PLCB4: variants seen among roughly 807,000 people sequenced by gnomAD.
The protein encoded by PLCB4 is 1-phosphatidylinositol 4,5-bisphosphate phosphodiesterase beta-4.
PLCB4 carries 77 observed loss-of-function variants against 178.8 expected under a neutral mutation model. That is an observed-to-expected ratio of 0.43 (90% CI 0.36 to 0.52). The LOEUF (loss-of-function observed/expected upper bound fraction) is 0.52. Among genes scored for constraint, PLCB4 ranks in the 20% least tolerant of loss-of-function variants. The pLI is 0.00. For synonymous variants in PLCB4, 496 were observed against 490.8 expected, an observed-to-expected ratio of 1.01 and a Z score of -0.14; for missense variants, 1,024 against 1,453.4, an observed-to-expected ratio of 0.70 and a Z score of 4.80.
chr20:9,326,517 G>C (rs1299773143), intron 4 of PLCB4, among the ~76,000 whole-genome samples: 1 of 152,090 alleles, frequency 6.6e-6, no homozygotes, highest in East Asian at 1.9e-4. Flanking sequence ...TAGACAGCAG[G>C]TTTACCACCT....
chr20:9,133,750 A>G (rs1362676462), intron 2 of PLCB4, among the ~76,000 whole-genome samples: 3 of 152,148 alleles, frequency 2.0e-5, no homozygotes, highest in African/African-American at 7.2e-5. Context: ...CTTTCCTCAC[A>G]TTGGGTGAAT....
chr20:9,267,531 T>C (rs1168712257), intron 3 of PLCB4, among the ~76,000 whole-genome samples: 5 of 152,128 alleles, frequency 3.3e-5, no homozygotes, highest in African/African-American at 1.2e-4. Flanking sequence ...AAGGGCAGTT[T>C]TTATTTGATT....
At chr20:9,347,438 C>G (rs1034067691) in intron 7 of PLCB4, among the ~76,000 whole-genome samples, 4 of 152,184 alleles carry the variant, frequency 2.6e-5, no homozygotes, top group African/African-American at 9.7e-5. Flanking sequence ...CACCATGTAG[C>G]ATTAACACAC....
chr20:9,148,568 AAC>A (rs1228493142), intron 2 of PLCB4, among the ~76,000 whole-genome samples: 1 of 152,072 alleles, frequency 6.6e-6, no homozygotes, highest in Non-Finnish European at 1.5e-5. Context: ...CAGGGAAGTC[AAC>A]AGAGGACTTC....
At chr20:9,225,633 T>C (rs1017754473) in intron 3 of PLCB4, among the ~76,000 whole-genome samples, 8 of 152,194 alleles carry the variant, frequency 5.3e-5, no homozygotes, top group African/African-American at 1.9e-4. Flanking sequence ...ATTCCAAAGA[T>C]AGGATTTCTT....
chr20:9,385,437 G>A (rs1378400000), intron 14 of PLCB4, among the ~76,000 whole-genome samples: 36 of 149,198 alleles, frequency 2.4e-4, no homozygotes, highest in Admixed American at 1.3e-3. Flanking sequence ...CGGGGCGGCC[G>A]GGCAGAGGCG....
chr20:9,455,754 A>G (rs2043018596), intron 33 of PLCB4, among the ~76,000 whole-genome samples: 1 of 152,240 alleles, frequency 6.6e-6, no homozygotes, highest in African/African-American at 2.4e-5. Flanking sequence ...GCAATACATT[A>G]AAAGTTACTT....
intron 7 of PLCB4, among the ~76,000 whole-genome samples, chr20:9,352,558 G>T (rs1369436664): frequency 6.6e-6 from 1 of 152,184 alleles, no homozygotes; most frequent in Non-Finnish European, 1.5e-5. Flanking sequence ...ACTATTTAGA[G>T]GCTCTTTTTG....
chr20:9,105,538 G>C (rs2091329989), intron 2 of PLCB4, among the ~76,000 whole-genome samples: 3 of 152,074 alleles, frequency 2.0e-5, no homozygotes, highest in African/African-American at 7.2e-5. Context: ...AAATACTTAT[G>C]AGGGGCACTT....
At chr20:9,179,105 A>AT in intron 2 of PLCB4, among the ~76,000 whole-genome samples, 1 of 152,284 alleles carries the variant, frequency 6.6e-6, no homozygotes, top group Middle Eastern at 3.4e-3. Flanking sequence ...ATAGGCACAG[A>AT]TTTTTTGAGG....
chr20:9,097,731 T>A (rs2090972878), intron 2 of PLCB4, among the ~76,000 whole-genome samples: 1 of 152,168 alleles, frequency 6.6e-6, no homozygotes, highest in African/African-American at 2.4e-5. Flanking sequence ...GCCCTGGGAA[T>A]GGCTTGGTTC....
intron 2 of PLCB4, among the ~76,000 whole-genome samples, chr20:9,186,596 G>A (rs773662443): frequency 1.3e-4 from 20 of 152,144 alleles, no homozygotes; most frequent in African/African-American, 4.6e-4. Flanking sequence ...TGTCTTTCCT[G>A]TCTGGCCGTT....
intron 1 of PLCB4, among the ~76,000 whole-genome samples, chr20:9,085,228 G>C: frequency 6.6e-6 from 1 of 151,964 alleles, no homozygotes; most frequent in East Asian, 1.9e-4. Flanking sequence ...GCATAGAATG[G>C]GGTCACATAA....
At chr20:9,440,076 A>T (rs1313468304) in intron 30 of PLCB4, among the ~76,000 whole-genome samples, 1 of 152,200 alleles carries the variant, frequency 6.6e-6, no homozygotes, top group Non-Finnish European at 1.5e-5. Flanking sequence ...CTCATCTTTC[A>T]TCAGCTTAGC....
At chr20:9,220,647 G>GT (rs2093786833) in intron 3 of PLCB4, among the ~76,000 whole-genome samples, 1 of 152,148 alleles carries the variant, frequency 6.6e-6, no homozygotes, top group Non-Finnish European at 1.5e-5. Flanking sequence ...AAAAATGTTT[G>GT]TATTAATTAT....
chr20:9,101,452 C>T (rs922119683), intron 2 of PLCB4, among the ~76,000 whole-genome samples: 1 of 152,016 alleles, frequency 6.6e-6, no homozygotes, highest in South Asian at 2.1e-4. Flanking sequence ...TCATATTTGC[C>T]GTCTTTCCCA....
At chr20:9,362,815 G>C in intron 7 of PLCB4, 81 bp from the exon 8 acceptor site, 2 of 804,912 alleles carry the variant, frequency 2.5e-6, no homozygotes, top group South Asian at 1.4e-5. Context: ...ACACAAAATG[G>C]ATACAATCTA....
At chr20:9,150,422 A>G (rs368280677) in intron 2 of PLCB4, among the ~76,000 whole-genome samples, 5 of 152,312 alleles carry the variant, frequency 3.3e-5, no homozygotes, top group Admixed American at 2.0e-4. Flanking sequence ...ATATACTGTC[A>G]TGCACATTTG....
intron 2 of PLCB4, among the ~76,000 whole-genome samples, chr20:9,169,169 A>G (rs2093023060): frequency 6.6e-6 from 1 of 152,160 alleles, no homozygotes; most frequent in African/African-American, 2.4e-5. Context: ...ATTTAAATAT[A>G]GAAACTTTAT....
Sources: gnomAD v4.1 joint callset for allele counts (sites outside exome capture counted in the v4.1 genomes callset) on GRCh38, gnomAD v4.1.1 for gene constraint, MANE v1.5 for transcripts, NCBI Gene and HGNC (gene_info 2026-07-23, HGNC 2026-07-21) for gene names.